FAM161A: variants seen among roughly 807,000 people sequenced by gnomAD.
FAM161A encodes the protein FAM161 centrosomal protein A, also known as protein FAM161A.
Under a neutral mutation model 70.9 loss-of-function variants are expected in FAM161A, and 57 were observed. That is an observed-to-expected ratio of 0.80 (90% confidence interval 0.65 to 1.00). The LOEUF (loss-of-function observed/expected upper bound fraction) is 1.00, where lower values mean the gene tolerates loss of function less well. FAM161A is among the 50% of genes least tolerant of loss of function. The probability of loss-of-function intolerance (pLI) is 0.00; values close to 1 mark genes in which losing one functional copy is unlikely to be tolerated. For missense variants in FAM161A, 880 were observed against 836.0 expected, an observed-to-expected ratio of 1.05 and a Z score of -0.65; for synonymous variants, 299 against 295.7, an observed-to-expected ratio of 1.01 and a Z score of -0.12.
chr2:61,822,859 G>A (rs1315357914), downstream of FAM161A, among the ~76,000 whole-genome samples: 7 of 151,954 alleles, frequency 4.6e-5, no homozygotes, highest in Admixed American at 3.9e-4. Flanking sequence ...CAAAGTGCTG[G>A]GATTACAGGC....
At chr2:61,846,088 C>CAAAAA (rs35291624) in intron 1 of FAM161A, among the ~76,000 whole-genome samples, 2 of 69,012 alleles carry the variant, frequency 2.9e-5, no homozygotes, top group Non-Finnish European at 5.2e-5. Context: ...GACTCTGTCT[C>CAAAAA]AAAAAAAAAA....
chr2:61,826,366 T>A lies in FAM161A; in HGVS notation c.*89A>T. Reference sequence around the variant, plus strand: ...AACAGCCCTGCACATATCAGAAGCGTCCCCACAGATGTTCTAAACACAAAT... The same window carrying A: ...AACAGCCCTGCACATATCAGAAGCGACCCCACAGATGTTCTAAACACAAAT... On this transcript the variant is annotated 3_prime_UTR_variant, in exon 7 of 7. Transcript: ENST00000404929. 3 of 1,424,102 alleles carry A rather than the reference T, an allele frequency of 2.1e-6. No homozygotes were observed. The highest frequency in any genetic ancestry group is 2.9e-6 in the Non-Finnish European group (3 of 1,021,354). The allele number at this position is 1,424,102 out of a possible 1,614,324, so 88.2% of individuals were successfully genotyped here. A position where few individuals can be genotyped will look rare whatever the true frequency, so the allele number is the denominator to read the frequency against.
intron 2 of FAM161A, among the ~76,000 whole-genome samples, chr2:61,841,593 G>A (rs1262019243): frequency 6.6e-6 from 1 of 152,152 alleles, no homozygotes; most frequent in East Asian, 1.9e-4. Context: ...AGGGCATCTT[G>A]TTTTTGACTC....
downstream of FAM161A, among the ~76,000 whole-genome samples, chr2:61,823,449 C>G (rs990081260): frequency 6.6e-6 from 1 of 150,394 alleles, no homozygotes; most frequent in Admixed American, 6.7e-5. Context: ...ACTGCAGCCT[C>G]AACCACCTGG....
the FAM161A span, among the ~76,000 whole-genome samples, chr2:61,805,844 C>T: frequency 6.6e-6 from 1 of 151,614 alleles, no homozygotes; most frequent in African/African-American, 2.4e-5. Flanking sequence ...TTTTTTTTTC[C>T]TAAGCCAATA....
At chr2:61,827,409 G>A in intron 5 of FAM161A, 151 bp from the exon 6 acceptor site, 1 of 699,582 alleles carries the variant, frequency 1.4e-6, no homozygotes, top group Non-Finnish European at 2.5e-6. Context: ...AGGAGATCAA[G>A]ACCATCCTGG....
intron 3 of FAM161A, 91 bp downstream of exon 3, chr2:61,839,330 T>A: frequency 8.9e-7 from 1 of 1,123,976 alleles, no homozygotes; most frequent in East Asian, 2.4e-5. Context: ...AATTTCTAAG[T>A]ATTTTCAAAT....
intron 1 of FAM161A, among the ~76,000 whole-genome samples, chr2:61,849,388 C>T (rs902350573): frequency 6.6e-6 from 1 of 150,892 alleles, no homozygotes; most frequent in African/African-American, 2.4e-5. Context: ...ACTTCTAACC[C>T]GAGCACTATG....
In FAM161A at chr2:61,850,253, G is replaced by A. The variant is rs186285014; in HGVS notation, c.183+3606C>T. On this transcript the variant is annotated intron_variant, in intron 1 of 6. Transcript: ENST00000404929. ...CTCTACTAAAAATACAAAATTAGCC[G>A]GGCGTGGTGGCACACGCCTGTAATC... 2.0e-4 allele frequency among the ~76,000 whole-genome samples: 31 copies of A among 152,050 alleles called. 3 individuals are homozygous for A. The highest frequency in any genetic ancestry group is 1.4e-3 in the Admixed American group (22 of 15,276).
intron 3 of FAM161A, among the ~76,000 whole-genome samples, 183 bp from the exon 4 acceptor site, chr2:61,838,888 A>AT (rs962221306): frequency 8.5e-5 from 10 of 118,146 alleles, no homozygotes; most frequent in African/African-American, 2.7e-4. Context: ...TTATTTATTT[A>AT]TTTATTTTTT....
At chr2:61,835,958 TAAAAAA>T in intron 5 of FAM161A, 46 bp downstream of exon 5, 4 of 1,047,142 alleles carry the variant, frequency 3.8e-6, no homozygotes, top group African/African-American at 1.7e-5. Flanking sequence ...GCTAAAGCTG[TAAAAAA>T]AAAAAAAAAA....
At chr2:61,812,664 G>A in the FAM161A span, among the ~76,000 whole-genome samples, 2 of 152,212 alleles carry the variant, frequency 1.3e-5, no homozygotes, top group Middle Eastern at 3.2e-3. Context: ...AGAGGTTGCA[G>A]TGAGCCAAGA....
chr2:61,837,759 G>C (rs1672830453), intron 4 of FAM161A, among the ~76,000 whole-genome samples: 1 of 152,054 alleles, frequency 6.6e-6, no homozygotes, highest in Non-Finnish European at 1.5e-5. Flanking sequence ...AAAATAAAAA[G>C]CTATTAATAG....
At chr2:61,852,012 A>C (rs1381849936) in intron 1 of FAM161A, among the ~76,000 whole-genome samples, 1 of 152,156 alleles carries the variant, frequency 6.6e-6, no homozygotes, top group Non-Finnish European at 1.5e-5. Context: ...CCAGTGAAGA[A>C]AGCAGAGCCT....
chr2:61,811,824 C>T, the FAM161A span, among the ~76,000 whole-genome samples: 1 of 152,152 alleles, frequency 6.6e-6, no homozygotes, highest in African/African-American at 2.4e-5. Flanking sequence ...CCATTTAAAA[C>T]CCAAGTCCCT....
intron 5 of FAM161A, among the ~76,000 whole-genome samples, chr2:61,832,419 G>T (rs1672617048): frequency 6.6e-6 from 1 of 152,110 alleles, no homozygotes; most frequent in Admixed American, 6.5e-5. Context: ...TAAATTTGAG[G>T]AAATCTTCCA....
chr2:61,808,274 A>T, the FAM161A span, among the ~76,000 whole-genome samples: 183 of 142,100 alleles, frequency 1.3e-3, no homozygotes, highest in Middle Eastern at 3.8e-3. Context: ...TATTATTATT[A>T]TTTTTTTTTT....
chr2:61,826,082 T>C lies in FAM161A; in HGVS notation c.*373A>G, dbSNP rs1367339597. 2.2e-6 allele frequency: 1 copy of C among 464,514 alleles called. No individual in the cohort carries two copies. The highest frequency in any genetic ancestry group is 4.3e-6 in the Non-Finnish European group (1 of 234,114). The allele number at this position is 464,514 out of a possible 1,614,324, so 28.8% of individuals were successfully genotyped here. On this transcript the variant is annotated 3_prime_UTR_variant, in exon 7 of 7. Coordinates refer to ENST00000404929, the MANE Select transcript of FAM161A (RefSeq NM_001201543.2). The stretch of plus-strand genomic sequence containing the variant: ...CACACTTTCCAAAATTTTTAAAAAG[T>C]AAACCACCAAAGACCAATACTTCTC...
At chr2:61,801,268 C>T in the FAM161A span, among the ~76,000 whole-genome samples, 19 of 151,346 alleles carry the variant, frequency 1.3e-4, no homozygotes, top group Admixed American at 4.6e-4. Flanking sequence ...GAGGCTGAGG[C>T]GGGCGGATCA....
Sources: gnomAD v4.1 joint callset for allele counts (sites outside exome capture counted in the v4.1 genomes callset) on GRCh38, gnomAD v4.1.1 for gene constraint, MANE v1.5 for transcripts, NCBI Gene and HGNC (gene_info 2026-07-23, HGNC 2026-07-21) for gene names.